GPC5: variants seen among roughly 807,000 people sequenced by gnomAD.
GPC5 encodes the protein glypican 5, also known as glypican-5.
GPC5 carries 47 observed loss-of-function variants against 53.9 expected under a neutral mutation model. The ratio of observed to expected loss-of-function variants is 0.87; its 90% CI spans 0.69 to 1.11. GPC5 has a LOEUF of 1.11. Ranked by LOEUF, GPC5 falls within the 50% of genes most tolerant of loss-of-function variation. The pLI, the probability that GPC5 is intolerant of heterozygous loss-of-function variation, is 0.00. For synonymous variants in GPC5, 286 were observed against 263.3 expected (o/e 1.09, Z -0.84); for missense variants, 748 against 713.1 (o/e 1.05, Z -0.56).
intron 7 of GPC5, among the ~76,000 whole-genome samples, chr13:92,401,721 G>A (rs1352755517): frequency 6.6e-6 from 1 of 152,132 alleles, no homozygotes; most frequent in African/African-American, 2.4e-5. Context: ...GAAAGTTGAT[G>A]TAATTATGGT....
intron 7 of GPC5, among the ~76,000 whole-genome samples, chr13:92,415,080 A>G (rs1219093391): frequency 1.3e-5 from 2 of 152,178 alleles, no homozygotes; most frequent in Non-Finnish European, 2.9e-5. Flanking sequence ...AACTGAAGGG[A>G]ATGAAAGAAG....
At chr13:92,275,677 G>A (rs2139161161) in intron 7 of GPC5, among the ~76,000 whole-genome samples, 1 of 152,162 alleles carries the variant, frequency 6.6e-6, no homozygotes. Flanking sequence ...TGCAGGAAAT[G>A]GTTACATAAA....
intron 2 of GPC5, among the ~76,000 whole-genome samples, chr13:91,508,092 C>T (rs1885041714): frequency 6.6e-6 from 1 of 151,996 alleles, no homozygotes; most frequent in African/African-American, 2.4e-5. Context: ...AGATTTTTGG[C>T]ATTTTTAAAG....
intron 2 of GPC5, among the ~76,000 whole-genome samples, chr13:91,608,492 A>G (rs988206150): frequency 1.3e-5 from 2 of 152,128 alleles, no homozygotes; most frequent in Admixed American, 1.3e-4. Context: ...CATATATTAC[A>G]TACATATTGT....
intron 7 of GPC5, among the ~76,000 whole-genome samples, chr13:92,206,816 A>G (rs1414931993): frequency 6.6e-6 from 1 of 152,174 alleles, no homozygotes; most frequent in Non-Finnish European, 1.5e-5. Flanking sequence ...CAATTAGTTC[A>G]ATCCATCATC....
At chr13:92,837,967 T>A (rs564060672) in intron 7 of GPC5, among the ~76,000 whole-genome samples, 1 of 151,542 alleles carries the variant, frequency 6.6e-6, no homozygotes, top group East Asian at 2.0e-4. Flanking sequence ...TGGTGGCGCA[T>A]GCCTGTAATC....
intron 7 of GPC5, among the ~76,000 whole-genome samples, chr13:92,828,518 CT>C (rs1347928221): frequency 3.9e-5 from 6 of 152,242 alleles, no homozygotes; most frequent in Non-Finnish European, 8.8e-5. Flanking sequence ...CACTTGTTCA[CT>C]GTATGTTTGA....
chr13:92,261,741 G>A (rs1159624341), intron 7 of GPC5, among the ~76,000 whole-genome samples: 2 of 151,968 alleles, frequency 1.3e-5, no homozygotes, highest in Non-Finnish European at 2.9e-5. Flanking sequence ...GTAAATATTG[G>A]AAAAAATAGC....
At chr13:92,263,490 G>T (rs1186514731) in intron 7 of GPC5, among the ~76,000 whole-genome samples, 1 of 151,996 alleles carries the variant, frequency 6.6e-6, no homozygotes, top group East Asian at 1.9e-4. Flanking sequence ...TTTTTAAGAA[G>T]AAAGATTCTG....
chr13:91,503,392 C>T, intron 2 of GPC5, among the ~76,000 whole-genome samples: 1 of 152,158 alleles, frequency 6.6e-6, no homozygotes, highest in South Asian at 2.1e-4. Context: ...AGCTCCACCC[C>T]TTCTGTAAAA....
At chr13:92,349,242 C>T (rs1266877735) in intron 7 of GPC5, among the ~76,000 whole-genome samples, 1 of 152,152 alleles carries the variant, frequency 6.6e-6, no homozygotes, top group Non-Finnish European at 1.5e-5. Flanking sequence ...CTCCCAGGTT[C>T]AAGCAATTCT....
intron 7 of GPC5, among the ~76,000 whole-genome samples, chr13:92,327,534 T>G (rs1034821364): frequency 6.6e-6 from 1 of 152,098 alleles, no homozygotes; most frequent in Non-Finnish European, 1.5e-5. Flanking sequence ...TCAGGGAAAA[T>G]GGTGCATCTG....
At chr13:92,123,660 G>A (rs1055537238) in intron 6 of GPC5, among the ~76,000 whole-genome samples, 29 of 152,092 alleles carry the variant, frequency 1.9e-4, no homozygotes, top group African/African-American at 3.6e-4. Flanking sequence ...TTACAGCTCC[G>A]TCAGATTGTA....
At chr13:91,467,253 GA>G (rs1882297745) in intron 2 of GPC5, among the ~76,000 whole-genome samples, 1 of 152,126 alleles carries the variant, frequency 6.6e-6, no homozygotes, top group Admixed American at 6.6e-5. Context: ...AAAAAGTCCT[GA>G]AAACGGTGAC....
chr13:92,142,445 T>G (rs2041838610), intron 6 of GPC5, among the ~76,000 whole-genome samples: 1 of 152,186 alleles, frequency 6.6e-6, no homozygotes, highest in Non-Finnish European at 1.5e-5. Flanking sequence ...TTTTATTTCT[T>G]AAAAATTTGA....
chr13:92,615,425 A>G (rs536850530), intron 7 of GPC5, among the ~76,000 whole-genome samples: 1 of 152,324 alleles, frequency 6.6e-6, no homozygotes, highest in African/African-American at 2.4e-5. Context: ...TCTATAGAAC[A>G]TGTGGTTTAG....
chr13:92,220,467 TG>T (rs758173826), intron 7 of GPC5, among the ~76,000 whole-genome samples: 4 of 152,172 alleles, frequency 2.6e-5, no homozygotes, highest in South Asian at 4.1e-4. Flanking sequence ...TTTACAGAGT[TG>T]TAACAAAGAT....
At chr13:91,849,237 T>A (rs1241380289) in intron 5 of GPC5, among the ~76,000 whole-genome samples, 1 of 152,146 alleles carries the variant, frequency 6.6e-6, no homozygotes, top group Non-Finnish European at 1.5e-5. Context: ...CTACCTGCCC[T>A]TTTAGTATGA....
At chr13:91,426,233 G>A (rs927213660) in intron 1 of GPC5, among the ~76,000 whole-genome samples, 1 of 151,838 alleles carries the variant, frequency 6.6e-6, no homozygotes, top group Admixed American at 6.6e-5. Context: ...TCTACGGCAT[G>A]TCAGAGACCT....
Sources: gnomAD v4.1 joint callset for allele counts (sites outside exome capture counted in the v4.1 genomes callset) on GRCh38, gnomAD v4.1.1 for gene constraint, MANE v1.5 for transcripts, NCBI Gene and HGNC (gene_info 2026-07-23, HGNC 2026-07-21) for gene names.